Variants in HSPH1 observed in about 807,000 individuals in gnomAD.
The protein encoded by HSPH1 is heat shock protein family H (Hsp110) member 1.
HSPH1 carries 40 observed loss-of-function variants against 100.0 expected under a neutral mutation model. The ratio of observed to expected loss-of-function variants is 0.40; its 90% confidence interval spans 0.31 to 0.52. The LOEUF is 0.52. Ranked by LOEUF, HSPH1 falls within the 20% of genes least tolerant of loss-of-function variation. The pLI is 0.54. For missense variants in HSPH1, 876 were observed against 1,015.1 expected (o/e 0.86, Z 1.86); for synonymous variants, 403 against 344.0 (o/e 1.17, Z -1.90).
chr13:31,144,449 T>A (rs1328592740), intron 11 of HSPH1, among the ~76,000 whole-genome samples: 1 of 152,198 alleles, frequency 6.6e-6, no homozygotes. Context: ...CTTTCTGTGA[T>A]CCAGCTATTT....
At position 31,161,777 on chromosome 13, in the gene HSPH1, G is replaced by C. The variant is rs56214404; in HGVS notation, c.-195C>G. ...AGCCTCCTACTCCCCCGGGGACAGCGGCGGCTGGCTGATAAGAAACCCTGG... is the reference window on the plus strand; with the variant it reads ...AGCCTCCTACTCCCCCGGGGACAGCCGCGGCTGGCTGATAAGAAACCCTGG... On this transcript the variant is annotated 5_prime_UTR_variant, in exon 1 of 18. Coordinates refer to ENST00000320027, the MANE Select transcript of HSPH1 (RefSeq NM_006644.4). 1.3e-6 allele frequency: 2 copies of C among 1,502,464 alleles called. No homozygotes were observed. The highest frequency in any genetic ancestry group is 1.8e-6 in the Non-Finnish European group (2 of 1,126,980). 93.1% of individuals were successfully genotyped at this position (1,502,464 alleles called of 1,614,324 possible).
At position 31,137,163 on chromosome 13, in the gene HSPH1, A is replaced by G. The variant is rs1955908634; in HGVS notation, c.*155T>C. On this transcript the variant is annotated 3_prime_UTR_variant, in exon 18 of 18. Transcript: ENST00000320027. ...TTTCCCTTTTAGGATCATAAAGACTACAGACTTAAGCTTTTTTTCTTTTTC... is the reference window on the plus strand; with the variant it reads ...TTTCCCTTTTAGGATCATAAAGACTGCAGACTTAAGCTTTTTTTCTTTTTC... The G allele has an allele frequency of 1.4e-6, 1 of 733,866 alleles. No homozygotes were observed. Among genetic ancestry groups the G allele is most frequent in the Non-Finnish European group, 2.5e-6 (1 of 406,070 alleles). 45.5% of individuals were successfully genotyped at this position (733,866 alleles called of 1,614,324 possible).
At chr13:31,162,049 C>G (rs1956944999), upstream of HSPH1, 1 of 1,536,042 alleles carries the variant, frequency 6.5e-7, no homozygotes, top group African/African-American at 1.4e-5. Context: ...TGGAAAGATT[C>G]TACCCAATGG....
In HSPH1 at chr13:31,148,398, T is replaced by C. The variant is rs1325615226; in HGVS notation, c.1220A>G (p.Asn407Ser). Residue 407 changes from asparagine (N) to serine (S), a missense_variant, in exon 9 of 18, where the codon AAC becomes AGC. Physicochemically the swap from Asn to Ser is conservative, Grantham distance 46 (BLOSUM62 1). Coordinates refer to ENST00000320027, the MANE Select transcript of HSPH1 (RefSeq NM_006644.4). ...AVPFPISLIW[N>S]HDSEDTEGVH... Reference sequence around the variant, plus strand: ...CCCTTCAGTATCTTCTGAATCATGGTTCCAGATCAGAGATATTGGAAAAGG... The same window carrying C: ...CCCTTCAGTATCTTCTGAATCATGGCTCCAGATCAGAGATATTGGAAAAGG... 16 of 1,572,696 alleles carry C rather than the reference T, an allele frequency of 1.0e-5. No individual in the cohort carries two copies. The Admixed American group carries it at 2.9e-4, about 28-fold the overall frequency.
rs185345371 is a variant in HSPH1 at position 31,156,525 on chromosome 13, T to C, written c.166-871A>G. Reference sequence around the variant, plus strand: ...GTTGCAGTGAGCCAAGATAGTGCCATTGCACTCTAGCTTGGGTAACAAGGG... The same window carrying C: ...GTTGCAGTGAGCCAAGATAGTGCCACTGCACTCTAGCTTGGGTAACAAGGG... On this transcript the variant is annotated intron_variant, in intron 2 of 17. Transcript: ENST00000320027. 3.4e-4 allele frequency among the ~76,000 whole-genome samples: 51 copies of C among 152,052 alleles called. 1 individual carries two copies. The highest frequency in any genetic ancestry group is 3.3e-3 in the Admixed American group (51 of 15,288).
chr13:31,150,177 T>C lies in HSPH1; in HGVS notation c.914A>G (p.Gln305Arg). Reference protein sequence around the residue: ...KDVSGKMNRSQFEELCAELLQ... With the variant: ...KDVSGKMNRSRFEELCAELLQ... Reference sequence around the variant, plus strand: ...AAGTTCAGCACAGAGTTCTTCAAATTGTGACCTTAGCAAATAAAAACTTGT... The same window carrying C: ...AAGTTCAGCACAGAGTTCTTCAAATCGTGACCTTAGCAAATAAAAACTTGT... The change falls in exon 8 of 18, where the codon CAA becomes CGA. Residue 305 changes from glutamine to arginine, a missense_variant. Coordinates refer to ENST00000320027, the MANE Select transcript of HSPH1 (RefSeq NM_006644.4). 1 of 1,574,702 alleles carries C rather than the reference T, an allele frequency of 6.4e-7. No individual in the cohort carries two copies. The highest frequency in any genetic ancestry group is 8.6e-7 in the Non-Finnish European group (1 of 1,158,204).
At chr13:31,139,175 G>C (rs1275260546) in intron 14 of HSPH1, 68 bp from the exon 15 acceptor site, 2 of 994,588 alleles carry the variant, frequency 2.0e-6, no homozygotes, top group Non-Finnish European at 3.2e-6. Context: ...AAACAAAGAG[G>C]TATTCTCACA....
In HSPH1 at chr13:31,138,476, A is replaced by G; in HGVS notation, c.2301T>C (p.Asn767=). ...GATCAAGACTCTTTTTAGCCTGAGC[A>G]TTCATGACATTATTCATCCATTCCA... ...EVMEWMNNVM[N]AQAKKSLDQD... Residue 767 remains asparagine, a synonymous_variant, in exon 17 of 18, where the codon AAT becomes AAC. Transcript: ENST00000320027. The G allele has an allele frequency of 7.4e-6, 12 of 1,613,316 alleles. No homozygotes were observed. The highest frequency in any genetic ancestry group is 1.0e-5 in the Non-Finnish European group (12 of 1,179,418).
In HSPH1 at chr13:31,157,778, T is replaced by C. The variant is rs577034706; in HGVS notation, c.165+1028A>G. On this transcript the variant is annotated intron_variant, in intron 2 of 17. Coordinates refer to ENST00000320027, the MANE Select transcript of HSPH1 (RefSeq NM_006644.4). The stretch of plus-strand genomic sequence containing the variant: ...GTTCAACAGAATTATATGTAAGTCA[T>C]AAAGGAGAGCTACCTACATAAAATT... Among the ~76,000 whole-genome samples the C allele has an allele frequency of 7.9e-5, 12 of 152,300 alleles. 1 individual carries two copies. In the South Asian group the frequency reaches 2.5e-3, roughly 32 times the overall value.
upstream of HSPH1, chr13:31,161,931 C>G: frequency 6.5e-7 from 1 of 1,532,102 alleles, no homozygotes; most frequent in Non-Finnish European, 8.7e-7. Flanking sequence ...CTTCCTCAGC[C>G]TTATGTATCG....
intron 2 of HSPH1, among the ~76,000 whole-genome samples, chr13:31,158,548 CAAAAAAAAAAAAA>C (rs11363658): frequency 7.8e-5 from 5 of 63,834 alleles, no homozygotes; most frequent in Admixed American, 2.1e-4. Flanking sequence ...GACTCTATCT[CAAAAAAAAAAAAA>C]AAAAAAAAAA....
chr13:31,138,377 C>T (rs1020631879), intron 17 of HSPH1, 30 bp downstream of exon 17: 2 of 1,604,952 alleles, frequency 1.2e-6, no homozygotes, highest in Non-Finnish European at 8.5e-7. Context: ...TAAGTGAACC[C>T]AGCAGTAAAC....
chr13:31,145,878 G>T, intron 10 of HSPH1, 110 bp from the exon 11 acceptor site: 1 of 932,502 alleles, frequency 1.1e-6, no homozygotes, highest in Non-Finnish European at 1.6e-6. Context: ...CCAGCACTTT[G>T]GGAGGCCGTG....
At chr13:31,161,449 C>A in intron 1 of HSPH1, 27 bp downstream of exon 1, 2 of 1,613,248 alleles carry the variant, frequency 1.2e-6, no homozygotes, top group Non-Finnish European at 1.7e-6. Context: ...AACCTCCTCC[C>A]ATCCACCCTC....
chr13:31,154,766 G>A lies in HSPH1; in HGVS notation c.307-11C>T. 2 of 1,605,496 alleles carry A rather than the reference G, an allele frequency of 1.2e-6. No homozygotes were observed. The highest frequency in any genetic ancestry group is 1.7e-6 in the Non-Finnish European group (2 of 1,175,522). The stretch of plus-strand genomic sequence containing the variant: ...ACCCATGTACATTACCTATATTGAA[G>A]GGAAAAAATGTTTTAAACATTGTAG... On this transcript the variant is annotated splice_polypyrimidine_tract_variant and intron_variant, in intron 3 of 17. Transcript: ENST00000320027.
intron 10 of HSPH1, among the ~76,000 whole-genome samples, chr13:31,146,051 C>T (rs1252935814): frequency 3.3e-5 from 5 of 152,278 alleles, no homozygotes; most frequent in East Asian, 3.9e-4. Context: ...GGGAGGACTC[C>T]TTGAGCCCAA....
chr13:31,143,757 A>G (rs765021419), intron 12 of HSPH1, 35 bp downstream of exon 12: 2 of 1,561,418 alleles, frequency 1.3e-6, no homozygotes, highest in Admixed American at 1.9e-5. Flanking sequence ...ACTTTGCAAC[A>G]TTGTCTAATG....
In HSPH1 at chr13:31,137,093, T is replaced by C. The variant is rs772780629; in HGVS notation, c.*225A>G. On this transcript the variant is annotated 3_prime_UTR_variant, in exon 18 of 18. Coordinates refer to ENST00000320027, the MANE Select transcript of HSPH1 (RefSeq NM_006644.4). ...TGGTGAGACTGCACAGAAAGCTTAG[T>C]ATGAATTCACAATTCCACAGGAATC... The C allele has an allele frequency of 1.4e-6, 1 of 699,122 alleles. No individual in the cohort carries two copies. The highest frequency in any genetic ancestry group is 2.7e-6 in the Non-Finnish European group (1 of 371,918). The allele number at this position is 699,122 out of a possible 1,614,324, so 43.3% of individuals were successfully genotyped here. A position where few individuals can be genotyped will look rare whatever the true frequency, so the allele number is the denominator to read the frequency against.
In HSPH1 at chr13:31,140,425, C is replaced by T. The variant is rs570448614; in HGVS notation, c.1855-116G>A. The T allele has an allele frequency of 4.6e-6, 4 of 869,162 alleles. No homozygotes were observed. The African/African-American group carries it at 5.1e-5, about 11-fold the overall frequency. 53.8% of individuals were successfully genotyped at this position (869,162 alleles called of 1,614,324 possible). ...TACAAAACAAATTTTAGTGTTAACA[C>T]AGTTCCAACTTATACCTTGTCAAAC... On this transcript the variant is annotated intron_variant, in intron 13 of 17. Transcript: ENST00000320027.
Sources: allele counts gnomAD v4.1 joint callset (sites outside exome capture counted in the v4.1 genomes callset), GRCh38; gene constraint gnomAD v4.1.1; transcripts MANE v1.5; gene names NCBI Gene and HGNC (gene_info 2026-07-23, HGNC 2026-07-21).